Variants in CEMIP observed in about 807,000 individuals in gnomAD.
CEMIP encodes the protein cell migration inducing hyaluronidase 1.
CEMIP carries 105 observed loss-of-function variants against 156.9 expected under a neutral mutation model. That is an observed-to-expected ratio of 0.67 (90% CI 0.57 to 0.79). CEMIP has a LOEUF of 0.79. Ranked by LOEUF, CEMIP falls within the 30% of genes least tolerant of loss-of-function variation. CEMIP has a pLI of 0.00. For missense variants in CEMIP, 1,457 were observed against 1,769.4 expected, an observed-to-expected ratio of 0.82 and a Z score of 3.17; for synonymous variants, 676 against 668.4, an observed-to-expected ratio of 1.01 and a Z score of -0.17.
intron 1 of CEMIP, among the ~76,000 whole-genome samples, chr15:80,786,193 T>C (rs1400166109): frequency 6.6e-6 from 1 of 152,108 alleles, no homozygotes; most frequent in East Asian, 1.9e-4. Flanking sequence ...GGCAGTCATA[T>C]CAATAGTGTT....
chr15:80,879,553 T>C (rs1010011839), intron 4 of CEMIP, among the ~76,000 whole-genome samples, 163 bp from the exon 5 acceptor site: 3 of 152,166 alleles, frequency 2.0e-5, no homozygotes, highest in African/African-American at 7.2e-5. Context: ...TACTGAGGGA[T>C]GACTTTACTT....
At chr15:80,875,287 G>A (rs141895979) in intron 3 of CEMIP, among the ~76,000 whole-genome samples, 171 of 152,040 alleles carry the variant, frequency 1.1e-3, no homozygotes, top group African/African-American at 3.9e-3. Flanking sequence ...CTTCAGCCTC[G>A]GTCTCCCAAA....
intron 3 of CEMIP, among the ~76,000 whole-genome samples, chr15:80,874,472 A>AC (rs1567077859): frequency 1.3e-5 from 2 of 151,940 alleles, no homozygotes; most frequent in Non-Finnish European, 2.9e-5. Context: ...AGGCTGTTAA[A>AC]AAAAAAAACA....
chr15:80,798,620 G>T (rs1204070016), intron 1 of CEMIP, among the ~76,000 whole-genome samples: 2 of 152,112 alleles, frequency 1.3e-5, no homozygotes, highest in African/African-American at 4.8e-5. Flanking sequence ...GAGGTTGAAA[G>T]CCATCCTATG....
intron 1 of CEMIP, among the ~76,000 whole-genome samples, chr15:80,815,615 C>A (rs1896773360): frequency 6.6e-6 from 1 of 151,932 alleles, no homozygotes; most frequent in Non-Finnish European, 1.5e-5. Flanking sequence ...CTCCCTCATT[C>A]CTTCTCCTTT....
chr15:80,946,694 T>C (rs1596214928), intron 28 of CEMIP: 2 of 473,490 alleles, frequency 4.2e-6, no homozygotes, highest in East Asian at 4.1e-5. Flanking sequence ...GAGAGAGACA[T>C]GTAAACGCGG....
chr15:80,857,369 G>A (rs1897877878), intron 1 of CEMIP, among the ~76,000 whole-genome samples: 1 of 152,230 alleles, frequency 6.6e-6, no homozygotes, highest in Admixed American at 6.5e-5. Context: ...CTGTCTCAGG[G>A]CTCTCATGTA....
At chr15:80,897,407 T>TG (rs1899277679) in intron 12 of CEMIP, 4 of 452,964 alleles carry the variant, frequency 8.8e-6, no homozygotes, top group Non-Finnish European at 1.8e-5. Context: ...TTAACACTCA[T>TG]GGGGGAGGCG....
At chr15:80,819,685 T>C (rs561857140) in intron 1 of CEMIP, among the ~76,000 whole-genome samples, 8 of 152,284 alleles carry the variant, frequency 5.3e-5, no homozygotes, top group Non-Finnish European at 1.0e-4. Context: ...GCCTATTTTG[T>C]TTTAAGGAGG....
At chr15:80,790,639 A>C (rs1006066290) in intron 1 of CEMIP, among the ~76,000 whole-genome samples, 1 of 152,230 alleles carries the variant, frequency 6.6e-6, no homozygotes, top group Non-Finnish European at 1.5e-5. Flanking sequence ...CCGTGAGTCC[A>C]AAAGCTCTTC....
intron 24 of CEMIP, among the ~76,000 whole-genome samples, chr15:80,937,329 A>C (rs1340231355): frequency 1.3e-5 from 2 of 152,204 alleles, no homozygotes; most frequent in Non-Finnish European, 2.9e-5. Flanking sequence ...GGCTTCATAT[A>C]TTTAGATTCT....
At chr15:80,939,575 T>TA (rs1394391328) in intron 25 of CEMIP, among the ~76,000 whole-genome samples, 1 of 152,244 alleles carries the variant, frequency 6.6e-6, no homozygotes, top group East Asian at 1.9e-4. Flanking sequence ...AAACTTCCAC[T>TA]AAGTAAGTTG....
chr15:80,918,040 C>A (rs1281868376), intron 14 of CEMIP, among the ~76,000 whole-genome samples: 1 of 152,066 alleles, frequency 6.6e-6, no homozygotes, highest in Non-Finnish European at 1.5e-5. Flanking sequence ...TTTGGGAGGC[C>A]GAGGCAGAAG....
Position 80,906,777 on chromosome 15 carries a change from A to C in CEMIP, c.1526A>C (p.Tyr509Ser). ...ATGGGGGAGATGGAGGACAAATGCTACCCCTACAGAAACCACATCTGCAAT... is the reference window on the plus strand; with the variant it reads ...ATGGGGGAGATGGAGGACAAATGCTCCCCCTACAGAAACCACATCTGCAAT... ...IVMGEMEDKC[Y>S]PYRNHICNFF... is the part of the protein sequence containing the mutation. Residue 509 changes from tyrosine to serine, a missense_variant, in exon 13 of 30, where the codon TAC becomes TCC. Transcript: ENST00000394685. This position sits in a 1 kb window ranked among gnomAD's most constrained non-coding sequence, Gnocchi z 4.3. 6.2e-7 allele frequency: 1 copy of C among 1,614,046 alleles called. No individual in the cohort carries two copies. Among genetic ancestry groups the C allele is most frequent in the South Asian group, 1.1e-5 (1 of 91,086 alleles).
At chr15:80,867,303 A>G (rs1898156173) in intron 1 of CEMIP, among the ~76,000 whole-genome samples, 1 of 152,174 alleles carries the variant, frequency 6.6e-6, no homozygotes, top group Non-Finnish European at 1.5e-5. Context: ...TTCAGCTCCT[A>G]CTGTCTGTGA....
rs747349626 is a variant in CEMIP at position 80,925,744 on chromosome 15, G to A, written c.2409G>A (p.Leu803=). 3 of 1,612,480 alleles carry A rather than the reference G, an allele frequency of 1.9e-6. No individual in the cohort carries two copies. The highest frequency in any genetic ancestry group is 2.5e-6 in the Non-Finnish European group (3 of 1,179,870). The change falls in exon 19 of 30, where the codon CTG becomes CTA. Residue 803 remains leucine, a synonymous_variant. Coordinates refer to ENST00000394685, the MANE Select transcript of CEMIP (RefSeq NM_001293298.2). ...GGCTGCGCGGCGGGGATGTGTGGCT[G>A]GACAGCTGCCGGTGAGTCAGAGCGG... ...GAWLRGGDVW[L]DSCRFADNGI...
chr15:80,829,157 G>A (rs1330749499), intron 1 of CEMIP, among the ~76,000 whole-genome samples: 1 of 152,116 alleles, frequency 6.6e-6, no homozygotes, highest in African/African-American at 2.4e-5. Flanking sequence ...GACCCATCTG[G>A]CCAGAGTGCC....
chr15:80,820,670 G>A (rs1896889804), intron 1 of CEMIP, among the ~76,000 whole-genome samples: 1 of 152,234 alleles, frequency 6.6e-6, no homozygotes, highest in African/African-American at 2.4e-5. Flanking sequence ...ACAGGCCATA[G>A]AAGCTGATAG....
intron 14 of CEMIP, among the ~76,000 whole-genome samples, chr15:80,914,520 GC>G (rs1334663379): frequency 6.6e-6 from 1 of 152,122 alleles, no homozygotes; most frequent in East Asian, 1.9e-4. Flanking sequence ...GTCCCCAGGT[GC>G]CCCAGCCCCA....
Sources: gnomAD v4.1 joint callset for allele counts (sites outside exome capture counted in the v4.1 genomes callset) on GRCh38, gnomAD v4.1.1 for gene constraint, Gnocchi (gnomAD v3.1) non-coding constraint, MANE v1.5 for transcripts, NCBI Gene and HGNC (gene_info 2026-07-23, HGNC 2026-07-21) for gene names.